The following DEPDC5 variants were observed in gnomAD, a reference collection of about 807,000 sequenced individuals.
DEPDC5 encodes the protein GATOR1 complex protein DEPDC5.
A neutral mutation model predicts 217.3 loss-of-function variants in DEPDC5; 73 were observed. That is an observed-to-expected ratio of 0.34 (90% CI 0.28 to 0.41). DEPDC5 has a LOEUF of 0.41. Among genes scored for constraint, DEPDC5 ranks in the 10% least tolerant of loss-of-function variants. DEPDC5 has a pLI of 1.00. For missense variants in DEPDC5, 1,675 were observed against 2,070.1 expected, an observed-to-expected ratio of 0.81 and a Z score of 3.70; for synonymous variants, 733 against 756.7, an observed-to-expected ratio of 0.97 and a Z score of 0.51.
chr22:31,895,143 CAAA>C (rs56247667), intron 39 of DEPDC5, among the ~76,000 whole-genome samples: 3 of 57,612 alleles, frequency 5.2e-5, no homozygotes, highest in Non-Finnish European at 7.3e-5. Context: ...GAATCCGTCT[CAAA>C]AAAAAAAAAA....
intron 38 of DEPDC5, among the ~76,000 whole-genome samples, chr22:31,885,938 G>T (rs775206421): frequency 6.6e-6 from 1 of 151,464 alleles, no homozygotes; most frequent in South Asian, 2.1e-4. Flanking sequence ...GGAGGCTGAG[G>T]CAGGAGAATC....
At chr22:31,772,520 T>C (rs1469962779) in intron 7 of DEPDC5, among the ~76,000 whole-genome samples, 1 of 152,198 alleles carries the variant, frequency 6.6e-6, no homozygotes. Context: ...TGGTTTAGAA[T>C]ATTCTTCTGT....
chr22:31,879,613 T>C lies in DEPDC5; in HGVS notation c.3894T>C (p.Phe1298=). 6.2e-7 allele frequency: 1 copy of C among 1,613,996 alleles called. No homozygotes were observed. Among genetic ancestry groups the C allele is most frequent in the Non-Finnish European group, 8.5e-7 (1 of 1,180,030 alleles). ...SFQRKWFEVA[F]VAEELVHSEI... ...AGCGCAAGTGGTTTGAGGTGGCCTT[T>C]GTGGCAGAAGAGCTCGTGCACTCTG... Residue 1298 remains phenylalanine (F), a synonymous_variant, in exon 38 of 43, where the codon TTT becomes TTC. Transcript: ENST00000651528.
At chr22:31,861,309 A>G (rs368594113) in intron 32 of DEPDC5, 59 bp from the exon 33 acceptor site, 24 of 1,505,746 alleles carry the variant, frequency 1.6e-5, no homozygotes, top group Non-Finnish European at 2.2e-5. Flanking sequence ...ACTGGTACAC[A>G]TTCCGTTTCT....
intron 40 of DEPDC5, 34 bp from the exon 41 acceptor site, chr22:31,901,708 C>T (rs1354761077): frequency 1.3e-6 from 2 of 1,582,336 alleles, no homozygotes; most frequent in Non-Finnish European, 8.6e-7. Context: ...ACCTTGTGAT[C>T]ACAACCCAAT....
intron 40 of DEPDC5, among the ~76,000 whole-genome samples, chr22:31,901,022 C>T (rs2093638814): frequency 1.3e-5 from 2 of 152,192 alleles, no homozygotes; most frequent in African/African-American, 4.8e-5. Context: ...GCAGGCGGAT[C>T]ACTTGAGGTC....
rs1001281354 is a variant in DEPDC5 at position 31,845,305 on chromosome 22, G to A, written c.3021+68G>A. ...GCAGGGCCTGCCACCTCCTCTATTA[G>A]GGGCCTCTCATCATCAGCCTACTTA... On this transcript the variant is annotated intron_variant, in intron 30 of 42. Transcript: ENST00000651528. The A allele has an allele frequency of 3.2e-6, 5 of 1,540,074 alleles. No homozygotes were observed. In the Admixed American group the frequency reaches 9.8e-5, roughly 30 times the overall value.
At position 31,821,564 on chromosome 22, in the gene DEPDC5, G is replaced by A. The variant is rs778457612; in HGVS notation, c.1933G>A (p.Gly645Ser). 1 of 1,614,218 alleles carries A rather than the reference G, an allele frequency of 6.2e-7. No homozygotes were observed. The highest frequency in any genetic ancestry group is 1.1e-5 in the South Asian group (1 of 91,080). Residue 645 changes from glycine (G) to serine (S), a missense_variant, in exon 23 of 43, where the codon GGC (glycine) becomes AGC (serine). Transcript: ENST00000651528. ...QTRQNMAELQ[G>S]SGQRDPTHSS... ...CCGACAGAATATGGCGGAGCTACAAGGCAGCGGGCAGAGGGATCCAACTCA... is the reference window on the plus strand; with the variant it reads ...CCGACAGAATATGGCGGAGCTACAAAGCAGCGGGCAGAGGGATCCAACTCA...
chr22:31,846,141 C>T (rs117497977), intron 30 of DEPDC5, among the ~76,000 whole-genome samples: 77 of 152,222 alleles, frequency 5.1e-4, no homozygotes, highest in Middle Eastern at 3.4e-3. Flanking sequence ...TCATGTTCTC[C>T]CCCATCTCTA....
intron 21 of DEPDC5, chr22:31,816,444 T>C (rs1201847488): frequency 6.6e-6 from 1 of 152,152 alleles, no homozygotes; most frequent in Non-Finnish European, 1.5e-5. Context: ...CTTTTCTTTT[T>C]TTCTGAGACA....
chr22:31,798,957 C>T (rs2086561466), intron 14 of DEPDC5, among the ~76,000 whole-genome samples: 1 of 151,976 alleles, frequency 6.6e-6, no homozygotes, highest in African/African-American at 2.4e-5. Flanking sequence ...GATGCTCTGC[C>T]GCAAGCACTC....
At chr22:31,815,313 A>C in intron 21 of DEPDC5, 101 bp downstream of exon 21, 4 of 1,227,542 alleles carry the variant, frequency 3.3e-6, no homozygotes, top group Non-Finnish European at 4.7e-6. Context: ...TAAATCCCAC[A>C]TCTTAATGAT....
At chr22:31,903,878 G>A (rs2093709108) in intron 41 of DEPDC5, among the ~76,000 whole-genome samples, 1 of 151,622 alleles carries the variant, frequency 6.6e-6, no homozygotes, top group South Asian at 2.1e-4. Flanking sequence ...GGAGGGCAGG[G>A]GTATGCTTTT....
chr22:31,812,103 C>T (rs1233470364), intron 20 of DEPDC5, among the ~76,000 whole-genome samples: 1 of 151,882 alleles, frequency 6.6e-6, no homozygotes, highest in African/African-American at 2.4e-5. Context: ...ATTCTCATGC[C>T]TCAGCCTCCC....
intron 20 of DEPDC5, 98 bp downstream of exon 20, chr22:31,810,739 T>C: frequency 6.6e-7 from 1 of 1,525,610 alleles, no homozygotes; most frequent in Non-Finnish European, 8.8e-7. Context: ...GAAAATCTTG[T>C]TTTGTTTTGT....
At chr22:31,786,424 TAAAAAAAAA>T (rs138288) in intron 10 of DEPDC5, among the ~76,000 whole-genome samples, 4 of 80,146 alleles carry the variant, frequency 5.0e-5, no homozygotes, top group Admixed American at 4.5e-4. Context: ...ATGTGGTAGC[TAAAAAAAAA>T]AAAAAAAAAA....
chr22:31,842,146 C>A (rs1012462494), intron 27 of DEPDC5, among the ~76,000 whole-genome samples: 1 of 152,196 alleles, frequency 6.6e-6, no homozygotes, highest in Admixed American at 6.5e-5. Flanking sequence ...GACAGATATA[C>A]GCACAAGGAA....
chr22:31,887,286 G>C (rs986431808), intron 38 of DEPDC5, among the ~76,000 whole-genome samples: 3 of 151,692 alleles, frequency 2.0e-5, no homozygotes. Flanking sequence ...TGGGTGTGGT[G>C]GTGGGCACCT....
At chr22:31,868,186 T>C (rs2092739919) in intron 33 of DEPDC5, among the ~76,000 whole-genome samples, 1 of 152,150 alleles carries the variant, frequency 6.6e-6, no homozygotes, top group Non-Finnish European at 1.5e-5. Flanking sequence ...AACAGCAAAA[T>C]GGTTCTATGA....
Sources: allele counts gnomAD v4.1 joint callset (sites outside exome capture counted in the v4.1 genomes callset), GRCh38; gene constraint gnomAD v4.1.1; transcripts MANE v1.5; gene names NCBI Gene and HGNC (gene_info 2026-07-23, HGNC 2026-07-21).